The following CTNNA3 variants were observed in gnomAD, a reference collection of about 807,000 sequenced individuals.
The protein encoded by CTNNA3 is catenin alpha-3.
Under a neutral mutation model 95.7 loss-of-function variants are expected in CTNNA3, and 76 were observed. That is an observed-to-expected ratio of 0.79 (90% CI 0.66 to 0.96). The LOEUF (loss-of-function observed/expected upper bound fraction) is 0.96. Ranked by LOEUF, CTNNA3 falls within the 40% of genes least tolerant of loss-of-function variation. The pLI is 0.00. For synonymous variants in CTNNA3, 431 were observed against 374.4 expected (o/e 1.15, Z -1.74); for missense variants, 1,191 against 1,089.8 (o/e 1.09, Z -1.31).
intron 5 of CTNNA3, among the ~76,000 whole-genome samples, chr10:67,433,020 C>T (rs1404038450): frequency 6.6e-6 from 1 of 151,956 alleles, no homozygotes; most frequent in African/African-American, 2.4e-5. Flanking sequence ...TTTCCTTTGC[C>T]TTCACAACTT....
intron 1 of CTNNA3, among the ~76,000 whole-genome samples, chr10:67,712,411 G>A (rs113793944): frequency 3.9e-5 from 6 of 152,188 alleles, no homozygotes; most frequent in Non-Finnish European, 7.3e-5. Flanking sequence ...AGGTCTCCAC[G>A]GCAGCCCCTC....
intron 7 of CTNNA3, among the ~76,000 whole-genome samples, chr10:67,166,919 C>T (rs1861792258): frequency 6.6e-6 from 1 of 152,100 alleles, no homozygotes; most frequent in Admixed American, 6.6e-5. Context: ...CCAGCCTGGC[C>T]AACATGGCAA....
At chr10:65,948,486 T>C (rs1357177831) in intron 17 of CTNNA3, among the ~76,000 whole-genome samples, 1 of 149,498 alleles carries the variant, frequency 6.7e-6, no homozygotes, top group Non-Finnish European at 1.5e-5. Context: ...AAAGCTTCCT[T>C]AAGACATCAA....
chr10:66,637,928 C>T (rs978489571), intron 9 of CTNNA3, among the ~76,000 whole-genome samples: 2 of 152,118 alleles, frequency 1.3e-5, no homozygotes, highest in Admixed American at 1.3e-4. Flanking sequence ...GGGCAGCTGC[C>T]ATCCCTGCAT....
intron 11 of CTNNA3, among the ~76,000 whole-genome samples, chr10:66,484,769 A>C (rs1171001244): frequency 6.6e-6 from 1 of 152,024 alleles, no homozygotes; most frequent in Non-Finnish European, 1.5e-5. Context: ...AGAAAAGGGC[A>C]CTGCAAGAAA....
chr10:67,478,953 C>A (rs535541523), intron 5 of CTNNA3, among the ~76,000 whole-genome samples: 2 of 151,180 alleles, frequency 1.3e-5, no homozygotes, highest in South Asian at 2.1e-4. Context: ...AACAAAAAAA[C>A]GGCGGGAGTT....
intron 2 of CTNNA3, among the ~76,000 whole-genome samples, chr10:67,642,648 T>C (rs1404479137): frequency 3.3e-5 from 5 of 151,752 alleles, no homozygotes; most frequent in African/African-American, 7.3e-5. Context: ...ACCCAGCAGG[T>C]AGAGGTTGCA....
intron 9 of CTNNA3, among the ~76,000 whole-genome samples, chr10:66,640,726 A>G (rs781414814): frequency 3.9e-5 from 6 of 152,140 alleles, no homozygotes; most frequent in Non-Finnish European, 7.4e-5. Context: ...ACAGTTCCCC[A>G]GGGAAGAATT....
chr10:67,143,425 T>TAGAAAAAAAAAAAAAAAA (rs1860686694), intron 7 of CTNNA3, among the ~76,000 whole-genome samples: 1 of 76,006 alleles, frequency 1.3e-5, no homozygotes, highest in African/African-American at 4.9e-5. Flanking sequence ...GGCTCTGTCT[T>TAGAAAAAAAAAAAAAAAA]AAAAAAAAAA....
At chr10:66,267,269 T>C (rs1382246040) in intron 13 of CTNNA3, among the ~76,000 whole-genome samples, 1 of 152,102 alleles carries the variant, frequency 6.6e-6, no homozygotes, top group Non-Finnish European at 1.5e-5. Flanking sequence ...TACACTGGCG[T>C]CCAGGTACCC....
chr10:67,670,853 T>C (rs1013818697), intron 1 of CTNNA3, among the ~76,000 whole-genome samples: 1 of 152,234 alleles, frequency 6.6e-6, no homozygotes, highest in African/African-American at 2.4e-5. Flanking sequence ...ATATGCTATA[T>C]ACGTCTACAA....
intron 7 of CTNNA3, among the ~76,000 whole-genome samples, chr10:66,978,120 C>A (rs1850169386): frequency 1.3e-5 from 2 of 151,130 alleles, no homozygotes; most frequent in Admixed American, 6.6e-5. Context: ...AAATATGATC[C>A]TAGATAATTA....
chr10:66,892,243 G>T (rs982617100), intron 7 of CTNNA3, among the ~76,000 whole-genome samples: 1 of 151,930 alleles, frequency 6.6e-6, no homozygotes, highest in African/African-American at 2.4e-5. Context: ...CCAAAACACT[G>T]AACTTTTAAT....
At chr10:66,748,110 CAT>C (rs2132718366) in intron 9 of CTNNA3, among the ~76,000 whole-genome samples, 1 of 152,256 alleles carries the variant, frequency 6.6e-6, no homozygotes, top group Non-Finnish European at 1.5e-5. Flanking sequence ...AGCACCATCT[CAT>C]GCCAAACCTA....
rs565739869 is a variant in CTNNA3 at position 66,110,709 on chromosome 10, C to T, written c.1885-7460G>A. Among the ~76,000 whole-genome samples the T allele has an allele frequency of 2.8e-4, 43 of 152,230 alleles. No homozygotes were observed. In the South Asian group the frequency reaches 7.7e-3, roughly 27 times the overall value. ...TAAGTTTGCTTGATTATATAATCAACTCAAGTTAACTCAACTAACATATTC... is the reference window on the plus strand; with the variant it reads ...TAAGTTTGCTTGATTATATAATCAATTCAAGTTAACTCAACTAACATATTC... On this transcript the variant is annotated intron_variant, in intron 13 of 17. Coordinates refer to ENST00000433211, the MANE Select transcript of CTNNA3 (RefSeq NM_013266.4).
At chr10:66,462,686 TATTTC>T (rs1416016958) in intron 11 of CTNNA3, among the ~76,000 whole-genome samples, 2 of 152,104 alleles carry the variant, frequency 1.3e-5, no homozygotes, top group Non-Finnish European at 2.9e-5. Context: ...TTACACAAAT[TATTTC>T]ATTTCATTGT....
intron 7 of CTNNA3, among the ~76,000 whole-genome samples, chr10:67,155,323 G>A (rs1281210078): frequency 6.6e-6 from 1 of 152,140 alleles, no homozygotes; most frequent in Non-Finnish European, 1.5e-5. Context: ...CTACAAAGTG[G>A]TTGTTAATTC....
Position 67,307,077 on chromosome 10 carries a change from T to G in CTNNA3, c.580-87207A>C, listed in dbSNP as rs201549714. Reference sequence around the variant, plus strand: ...CTGCAGGTTCTGGAAACAATCTACCTGAATTCAAACTCTGGCATTATGCTT... The same window carrying G: ...CTGCAGGTTCTGGAAACAATCTACCGGAATTCAAACTCTGGCATTATGCTT... On this transcript the variant is annotated intron_variant, in intron 5 of 17. Transcript: ENST00000433211. 2.0e-5 allele frequency among the ~76,000 whole-genome samples: 3 copies of G among 152,312 alleles called. No individual in the cohort carries two copies. In the East Asian group the frequency reaches 5.8e-4, roughly 29 times the overall value.
At chr10:66,995,403 G>A (rs1851272337) in intron 7 of CTNNA3, among the ~76,000 whole-genome samples, 1 of 151,976 alleles carries the variant, frequency 6.6e-6, no homozygotes, top group Admixed American at 6.6e-5. Flanking sequence ...TCTCTTACAT[G>A]GCCCATGGTA....
Sources: allele counts gnomAD v4.1 joint callset (sites outside exome capture counted in the v4.1 genomes callset), GRCh38; gene constraint gnomAD v4.1.1; transcripts MANE v1.5; gene names NCBI Gene and HGNC (gene_info 2026-07-23, HGNC 2026-07-21).